Variants in PIKFYVE observed in about 807,000 individuals in gnomAD.
PIKFYVE encodes the protein 1-phosphatidylinositol 3-phosphate 5-kinase.
Under a neutral mutation model 257.9 loss-of-function variants are expected in PIKFYVE, and 122 were observed. The observed-to-expected ratio is 0.47, with a 90% CI of 0.41 to 0.55. The LOEUF is 0.55. PIKFYVE is among the 20% of genes least tolerant of loss of function. The probability of loss-of-function intolerance (pLI) is 0.00; values close to 1 mark genes in which losing one functional copy is unlikely to be tolerated. For synonymous variants in PIKFYVE, 892 were observed against 868.9 expected (o/e 1.03, Z -0.47); for missense variants, 2,160 against 2,536.6 (o/e 0.85, Z 3.19).
intron 11 of PIKFYVE, 101 bp from the exon 12 acceptor site, chr2:208,304,745 T>C (rs1463152001): frequency 1.7e-6 from 2 of 1,162,988 alleles, no homozygotes; most frequent in African/African-American, 3.0e-5. Flanking sequence ...TGGGCTTGTA[T>C]ATTAAAAAAA....
intron 4 of PIKFYVE, among the ~76,000 whole-genome samples, chr2:208,277,307 C>T (rs529956259): frequency 6.6e-6 from 1 of 152,162 alleles, no homozygotes; most frequent in East Asian, 1.9e-4. Flanking sequence ...GTACCAGTAC[C>T]CTGTCTAAAA....
In PIKFYVE at chr2:208,277,703, A is replaced by G. The variant is rs1348859387; in HGVS notation, c.608A>G (p.Tyr203Cys). 1.2e-6 allele frequency: 2 copies of G among 1,613,646 alleles called. No individual in the cohort carries two copies. The highest frequency in any genetic ancestry group is 1.7e-5 in the Admixed American group (1 of 60,008). ...GAAATCCCTGGAAAATTTATGGGCT[A>G]TACAGGTAAATGCATTTTATTGCCA... The part of the protein sequence containing the change: ...NQEIPGKFMG[Y>C]TGDLRACTYC... Residue 203 changes from tyrosine to cysteine, a missense_variant, in exon 5 of 42, where the codon TAT (tyrosine) becomes TGT (cysteine). Physicochemically the swap from Tyr to Cys is radical, Grantham distance 194. Around this residue, in one of 12 missense-constraint regions of PIKFYVE, gnomAD observed 187 missense variants for 185.6 expected, o/e 1.01. Coordinates refer to ENST00000264380, the MANE Select transcript of PIKFYVE (RefSeq NM_015040.4).
At chr2:208,353,335 T>C (rs1238002185) in intron 39 of PIKFYVE, among the ~76,000 whole-genome samples, 1 of 152,236 alleles carries the variant, frequency 6.6e-6, no homozygotes, top group Non-Finnish European at 1.5e-5. Flanking sequence ...TTCCCTAATG[T>C]TGTAGTGAGC....
At chr2:208,333,275 T>C in intron 23 of PIKFYVE, 40 bp from the exon 24 acceptor site, 1 of 1,586,726 alleles carries the variant, frequency 6.3e-7, no homozygotes, top group African/African-American at 1.3e-5. Flanking sequence ...AAAGAGATTC[T>C]CAATATGTGA....
At chr2:208,331,310 A>G (rs1368004892) in intron 23 of PIKFYVE, among the ~76,000 whole-genome samples, 1 of 152,136 alleles carries the variant, frequency 6.6e-6, no homozygotes, top group Non-Finnish European at 1.5e-5. Flanking sequence ...TTTTAAATAT[A>G]TGATTTTTAT....
In PIKFYVE at chr2:208,358,379, A is replaced by C. The variant is rs749165043; in HGVS notation, c.*3074A>C. On this transcript the variant is annotated 3_prime_UTR_variant, in exon 42 of 42. Transcript: ENST00000264380. ...GACTTATGCAGTATTCAAACCATCTAGTGCAATGTTTTTGTTTTTGTTTTT... is the reference window on the plus strand; with the variant it reads ...GACTTATGCAGTATTCAAACCATCTCGTGCAATGTTTTTGTTTTTGTTTTT... The C allele has an allele frequency of 7.5e-6, 1 of 134,018 alleles. No individual in the cohort carries two copies. Among genetic ancestry groups the C allele is most frequent in the Non-Finnish European group, 1.6e-5 (1 of 63,560 alleles). The allele number at this position is 134,018 out of a possible 1,614,324, so 8.3% of individuals were successfully genotyped here.
intron 7 of PIKFYVE, among the ~76,000 whole-genome samples, chr2:208,295,040 T>C (rs1357403801): frequency 6.7e-6 from 1 of 149,698 alleles, no homozygotes; most frequent in Non-Finnish European, 1.5e-5. Context: ...AATTTGTCAA[T>C]TTGATTTTAG....
At position 208,351,068 on chromosome 2, in the gene PIKFYVE, CAGAGGTGTTTATAA is replaced by C. The variant is rs1270170941; in HGVS notation, c.5611+124_5611+137del. ...CATAACTATGACTTACTAGTTTTAA[CAGAGGTGTTTATAA>C]AGTTTTATTTAGTAGTTTTAAAAAG... On this transcript the variant is annotated intron_variant, in intron 37 of 41. Coordinates refer to ENST00000264380, the MANE Select transcript of PIKFYVE (RefSeq NM_015040.4). 6 of 1,312,694 alleles carry C rather than the reference CAGAGGTGTTTATAA, an allele frequency of 4.6e-6. No individual in the cohort carries two copies. In the African/African-American group the frequency reaches 8.9e-5, roughly 19 times the overall value. 81.3% of individuals were successfully genotyped at this position (1,312,694 alleles called of 1,614,324 possible). A position where few individuals can be genotyped will look rare whatever the true frequency, so the allele number is the denominator to read the frequency against.
At chr2:208,275,657 AAC>A (rs1690007490) in intron 3 of PIKFYVE, among the ~76,000 whole-genome samples, 2 of 152,270 alleles carry the variant, frequency 1.3e-5, no homozygotes, top group South Asian at 4.1e-4. Context: ...ATTCTTTGTA[AAC>A]TTTAGATCCC....
intron 1 of PIKFYVE, among the ~76,000 whole-genome samples, chr2:208,267,560 G>A (rs1688820169): frequency 7.1e-6 from 1 of 140,378 alleles, no homozygotes; most frequent in Non-Finnish European, 1.5e-5. Context: ...AGGTTGGAGT[G>A]CAGTGGCGCG....
At chr2:208,306,789 T>TTTC (rs60806991) in intron 12 of PIKFYVE, among the ~76,000 whole-genome samples, 125,422 of 145,562 alleles carry the variant, frequency 0.86, 55,282 homozygotes, top group Non-Finnish European at 0.95. Flanking sequence ...TTTTTTTTTT[T>TTTC]TTCTAAGAGA....
rs764510179 is a variant in PIKFYVE, at chr2:208,298,786, G to A, written c.1050+7G>A. On this transcript the variant is annotated splice_region_variant and intron_variant, in intron 8 of 41. Transcript: ENST00000264380. ...TGAACGCAAAATTCTTCTGGTACTG[G>A]TCCAGTATCTTTGACCCATTGCTAG... The A allele has an allele frequency of 2.5e-6, 4 of 1,613,804 alleles. No individual in the cohort carries two copies. Among genetic ancestry groups the A allele is most frequent in the Non-Finnish European group, 3.4e-6 (4 of 1,179,880 alleles).
At chr2:208,277,813 T>A in intron 5 of PIKFYVE, 105 bp downstream of exon 5, 1 of 1,238,478 alleles carries the variant, frequency 8.1e-7, no homozygotes, top group African/African-American at 1.5e-5. Context: ...GTTTTATGTG[T>A]AAGACATGGG....
intron 12 of PIKFYVE, chr2:208,305,282 C>T: frequency 7.6e-7 from 1 of 1,318,010 alleles, no homozygotes; most frequent in Non-Finnish European, 9.7e-7. Context: ...ACTGCTCTTC[C>T]CATAATGTGC....
Position 208,320,241 on chromosome 2 carries a change from A to G in PIKFYVE, c.2083-11A>G. On this transcript the variant is annotated splice_polypyrimidine_tract_variant and intron_variant, in intron 16 of 41. Transcript: ENST00000264380. Reference sequence around the variant, plus strand: ...CTTTAAACACTTTAACAAACTGTTCATTTTTTGTAGATGAGTTCTTGTATT... The same window carrying G: ...CTTTAAACACTTTAACAAACTGTTCGTTTTTTGTAGATGAGTTCTTGTATT... The G allele has an allele frequency of 6.2e-7, 1 of 1,609,872 alleles. No homozygotes were observed. The highest frequency in any genetic ancestry group is 8.5e-7 in the Non-Finnish European group (1 of 1,177,528).
At position 208,312,228 on chromosome 2, in the gene PIKFYVE, G is replaced by A. The variant is rs751624149; in HGVS notation, c.1637-8G>A. On this transcript the variant is annotated splice_polypyrimidine_tract_variant and splice_region_variant and intron_variant, in intron 12 of 41. Transcript: ENST00000264380. ...GTTCCTCCTCTCTGTTGTCTCCCTG[G>A]TATGCAGAGTATTTGATTTCTGACA... The A allele has an allele frequency of 6.2e-7, 1 of 1,605,436 alleles. No homozygotes were observed. Among genetic ancestry groups the A allele is most frequent in the South Asian group, 1.1e-5 (1 of 90,730 alleles).
At chr2:208,311,016 G>A (rs971164154) in intron 12 of PIKFYVE, among the ~76,000 whole-genome samples, 3 of 152,140 alleles carry the variant, frequency 2.0e-5, no homozygotes, top group Non-Finnish European at 4.4e-5. Flanking sequence ...CATGATGTGT[G>A]TAACTTTGAA....
At position 208,286,457 on chromosome 2, in the gene PIKFYVE, A is replaced by G. The variant is rs777897400; in HGVS notation, c.821+524A>G. ...TTGTAAGTATACTGCACTGCTTGGT[A>G]GTAGAGGGTGCTAACTCTTGGAAGT... On this transcript the variant is annotated intron_variant, in intron 6 of 41. Coordinates refer to ENST00000264380, the MANE Select transcript of PIKFYVE (RefSeq NM_015040.4). Among the ~76,000 whole-genome samples, 26 of 152,062 alleles carry G rather than the reference A, an allele frequency of 1.7e-4. 1 individual carries two copies. Among genetic ancestry groups the G allele is most frequent in the Non-Finnish European group, 3.2e-4 (22 of 68,030 alleles).
intron 2 of PIKFYVE, among the ~76,000 whole-genome samples, chr2:208,272,240 A>T (rs999479790): frequency 5.3e-5 from 8 of 150,084 alleles, no homozygotes; most frequent in Non-Finnish European, 8.9e-5. Context: ...ATCTCAAAAA[A>T]TAAAAATAAA....
Sources: gnomAD v4.1 joint callset for allele counts (sites outside exome capture counted in the v4.1 genomes callset) on GRCh38, gnomAD v4.1.1 for gene constraint, gnomAD v4.1.1 regional missense constraint, MANE v1.5 for transcripts, NCBI Gene and HGNC (gene_info 2026-07-23, HGNC 2026-07-21) for gene names.